CEP112: variants seen among roughly 807,000 people sequenced by gnomAD.
The protein encoded by CEP112 is centrosomal protein 112.
In CEP112, 127 loss-of-function variants were observed where a neutral mutation model predicts 153.0. The observed-to-expected ratio is 0.83, with a 90% CI of 0.72 to 0.96. CEP112 has a LOEUF of 0.96. CEP112 is among the 40% of genes least tolerant of loss of function. The probability of loss-of-function intolerance (pLI) is 0.00; values close to 1 mark genes in which losing one functional copy is unlikely to be tolerated. For synonymous variants in CEP112, 358 were observed against 374.4 expected (o/e 0.96, Z 0.51); for missense variants, 1,089 against 1,101.2 (o/e 0.99, Z 0.16).
At chr17:65,922,175 T>C (rs1384372536) in intron 19 of CEP112, among the ~76,000 whole-genome samples, 3 of 152,186 alleles carry the variant, frequency 2.0e-5, no homozygotes, top group Non-Finnish European at 4.4e-5. Context: ...TGCATTTTTA[T>C]TAACACCAAG....
At chr17:65,949,392 G>A (rs888578853) in intron 18 of CEP112, among the ~76,000 whole-genome samples, 1 of 152,142 alleles carries the variant, frequency 6.6e-6, no homozygotes, top group African/African-American at 2.4e-5. Flanking sequence ...ATAATTTCCT[G>A]TTCATGGGTT....
intron 4 of CEP112, among the ~76,000 whole-genome samples, chr17:66,167,873 C>A (rs1466571673): frequency 6.6e-6 from 1 of 152,174 alleles, no homozygotes; most frequent in Non-Finnish European, 1.5e-5. Context: ...GAAAAGATTT[C>A]TAGAACAGTA....
chr17:65,886,789 A>G (rs1025159393), intron 20 of CEP112, among the ~76,000 whole-genome samples: 2 of 152,096 alleles, frequency 1.3e-5, no homozygotes, highest in Non-Finnish European at 2.9e-5. Flanking sequence ...ATGTTTTAAG[A>G]CATTCCTGAG....
At position 65,662,346 on chromosome 17, in the gene CEP112, A is replaced by T. The variant is rs139309236; in HGVS notation, c.2698-21281T>A. On this transcript the variant is annotated intron_variant, in intron 24 of 26. Transcript: ENST00000535342. ...AAACAGTACTGGGAGAGCAATAGTC[A>T]TGTTAGATTGAGCAAGAGGCTGCAT... Among the ~76,000 whole-genome samples, 667 of 152,372 alleles carry T rather than the reference A, an allele frequency of 4.4e-3. 3 individuals carry two copies. The highest frequency in any genetic ancestry group is 6.6e-3 in the Non-Finnish European group (451 of 68,036).
chr17:66,104,866 T>A (rs1351486744), intron 6 of CEP112, among the ~76,000 whole-genome samples: 1 of 152,180 alleles, frequency 6.6e-6, no homozygotes, highest in African/African-American at 2.4e-5. Context: ...AGACCTATCC[T>A]ACAAGAAATG....
chr17:65,710,809 C>T (rs753834075), intron 23 of CEP112, among the ~76,000 whole-genome samples: 27 of 152,202 alleles, frequency 1.8e-4, no homozygotes, highest in African/African-American at 1.4e-4. Flanking sequence ...GCTTACTCTG[C>T]GTCCCCGCTC....
At chr17:65,722,729 G>A (rs1453657099) in intron 23 of CEP112, among the ~76,000 whole-genome samples, 1 of 152,188 alleles carries the variant, frequency 6.6e-6, no homozygotes, top group South Asian at 2.1e-4. Context: ...GAGAGAACAC[G>A]ATGTTTGAGA....
In CEP112 at chr17:65,851,879, C is replaced by T. The variant is rs1301016880; in HGVS notation, c.2319G>A (p.Leu773=). The T allele has an allele frequency of 2.5e-6, 4 of 1,614,050 alleles. No individual in the cohort carries two copies. The highest frequency in any genetic ancestry group is 1.3e-5 in the African/African-American group (1 of 74,934). ...TTTTCATCTTTTCTGATTCAGCCTT[C>T]AGTTTATTGACGACAATCTCATGTT... The part of the protein sequence containing the change: ...TREHEIVVNK[L]KAESEKMKIE... Residue 773 remains leucine, a synonymous_variant, in exon 21 of 27, where the codon CTG becomes CTA. Transcript: ENST00000535342.
chr17:65,776,945 T>C (rs1331126616), intron 21 of CEP112, among the ~76,000 whole-genome samples: 1 of 152,246 alleles, frequency 6.6e-6, no homozygotes, highest in African/African-American at 2.4e-5. Context: ...AATTTGTATT[T>C]ATTTCTGAGA....
intron 24 of CEP112, among the ~76,000 whole-genome samples, chr17:65,658,070 A>C (rs1444868125): frequency 6.6e-6 from 1 of 152,226 alleles, no homozygotes; most frequent in Non-Finnish European, 1.5e-5. Flanking sequence ...TTGCTGCATA[A>C]TCTTTTACAT....
Position 66,175,152 on chromosome 17 carries a change from G to A in CEP112, c.362C>T (p.Ala121Val), listed in dbSNP as rs770688439. 2 of 1,613,154 alleles carry A rather than the reference G, an allele frequency of 1.2e-6. No individual in the cohort carries two copies. Among genetic ancestry groups the A allele is most frequent in the South Asian group, 2.2e-5 (2 of 90,906 alleles). ...TGTCTCCAGCTCACCCAGTACCCAG[G>A]CTGGTAATCCCTCTGGGCTTGAACC... ...AKGSSPEGLPAWVLGELETSE... is the reference protein window; with the variant it reads ...AKGSSPEGLPVWVLGELETSE... The change falls in exon 4 of 27, where the codon GCC becomes GTC. Residue 121 changes from alanine to valine, a missense_variant. Transcript: ENST00000535342.
chr17:66,022,653 G>A (rs1456477232), intron 16 of CEP112, among the ~76,000 whole-genome samples: 1 of 145,788 alleles, frequency 6.9e-6, no homozygotes, highest in Non-Finnish European at 1.5e-5. Flanking sequence ...AGCTTGCAGT[G>A]AGCCGAGATC....
At chr17:65,640,310 C>G (rs538712430) in intron 25 of CEP112, among the ~76,000 whole-genome samples, 5 of 151,164 alleles carry the variant, frequency 3.3e-5, no homozygotes, top group African/African-American at 4.9e-5. Context: ...CGGGCCACCA[C>G]GCCCCGCTAA....
intron 6 of CEP112, among the ~76,000 whole-genome samples, chr17:66,099,572 T>A (rs1447483393): frequency 6.6e-6 from 1 of 150,986 alleles, no homozygotes; most frequent in Non-Finnish European, 1.5e-5. Context: ...GCACCATTTG[T>A]TAAAGAAGTT....
At chr17:65,863,227 T>C (rs1046620440) in intron 20 of CEP112, among the ~76,000 whole-genome samples, 7 of 152,218 alleles carry the variant, frequency 4.6e-5, no homozygotes, top group African/African-American at 7.2e-5. Context: ...AAATGTCACA[T>C]GCAAAAGAAT....
At chr17:65,710,468 G>A (rs888767753) in intron 23 of CEP112, among the ~76,000 whole-genome samples, 3 of 152,252 alleles carry the variant, frequency 2.0e-5, no homozygotes, top group Non-Finnish European at 2.9e-5. Flanking sequence ...GGTGAGGTAT[G>A]AGCCCATGAT....
chr17:65,974,126 G>A (rs1433250892), intron 17 of CEP112, among the ~76,000 whole-genome samples: 1 of 151,632 alleles, frequency 6.6e-6, no homozygotes, highest in South Asian at 2.1e-4. Flanking sequence ...ACCCAAGCTG[G>A]AGTGCAGTGG....
At chr17:66,016,032 A>T (rs1036720481) in intron 16 of CEP112, among the ~76,000 whole-genome samples, 4 of 152,154 alleles carry the variant, frequency 2.6e-5, no homozygotes, top group African/African-American at 9.7e-5. Flanking sequence ...CAACTATGTG[A>T]TCGTAAGTCT....
At chr17:65,828,517 A>C (rs1431851611) in intron 21 of CEP112, among the ~76,000 whole-genome samples, 1 of 152,222 alleles carries the variant, frequency 6.6e-6, no homozygotes, top group East Asian at 1.9e-4. Context: ...AAGTGACCTC[A>C]TGAAAGAGAA....
Sources: allele counts gnomAD v4.1 joint callset (sites outside exome capture counted in the v4.1 genomes callset), GRCh38; gene constraint gnomAD v4.1.1; transcripts MANE v1.5; gene names NCBI Gene and HGNC (gene_info 2026-07-23, HGNC 2026-07-21).